KCNH7: variants seen among roughly 807,000 people sequenced by gnomAD.
KCNH7 encodes potassium voltage-gated channel subfamily H member 7.
Under a neutral mutation model 120.8 loss-of-function variants are expected in KCNH7, and 49 were observed. That is an observed-to-expected ratio of 0.41 (90% CI 0.32 to 0.51). The LOEUF is 0.51. Ranked by LOEUF, KCNH7 falls within the 20% of genes least tolerant of loss-of-function variation. KCNH7 has a pLI of 0.38. For synonymous variants in KCNH7, 547 were observed against 516.1 expected (o/e 1.06, Z -0.81); for missense variants, 1,097 against 1,446.6 (o/e 0.76, Z 3.92).
Position 162,504,129 on chromosome 2 carries a change from A to G in KCNH7, c.1128+314T>C, listed in dbSNP as rs547047115. On this transcript the variant is annotated intron_variant, in intron 6 of 15. Transcript: ENST00000332142. ...CCATTATATTAAAAAACCATGTTTT[A>G]ATAATGTGAGAGTTGGCAGCCAAAC... is the stretch of plus-strand genomic sequence containing the variant. Among the ~76,000 whole-genome samples, 252 of 152,172 alleles carry G rather than the reference A, an allele frequency of 1.7e-3. 4 individuals carry two copies. Among genetic ancestry groups the G allele is most frequent in the African/African-American group, 5.7e-3 (237 of 41,566 alleles).
chr2:162,748,868 T>TCCCCCCC (rs1472505556), intron 2 of KCNH7, among the ~76,000 whole-genome samples: 1 of 30,208 alleles, frequency 3.3e-5, no homozygotes, highest in South Asian at 1.7e-3. Flanking sequence ...TTCCCTCCCC[T>TCCCCCCC]CCCCCTTCCC....
chr2:162,819,898 A>T (rs1341836798), intron 2 of KCNH7, among the ~76,000 whole-genome samples: 1 of 152,044 alleles, frequency 6.6e-6, no homozygotes, highest in Non-Finnish European at 1.5e-5. Flanking sequence ...TTTTTGTATC[A>T]TCTTAGTTCA....
chr2:162,548,720 G>A (rs1037190539), intron 2 of KCNH7, among the ~76,000 whole-genome samples: 2 of 152,076 alleles, frequency 1.3e-5, no homozygotes, highest in Admixed American at 6.5e-5. Flanking sequence ...ACTTCCCATT[G>A]TTTCATTTTG....
chr2:162,799,797 C>T (rs115112595), intron 2 of KCNH7, among the ~76,000 whole-genome samples: 1,773 of 151,938 alleles, frequency 0.012, 39 homozygotes, highest in African/African-American at 0.04. Context: ...AAACAATTTG[C>T]GTTCCTGGTT....
rs541143023 is a variant in KCNH7, at chr2:162,826,903, GA to G, written c.307+9633del. Among the ~76,000 whole-genome samples, 8 of 152,176 alleles carry G rather than the reference GA, an allele frequency of 5.3e-5. No homozygotes were observed. The South Asian group carries it at 8.3e-4, about 16-fold the overall frequency. The stretch of plus-strand genomic sequence containing the variant: ...GAAATGTGGAGAAGGCTGCCTGAGG[GA>G]CTTAGAGACCTTAGAAATGAGCTGA... On this transcript the variant is annotated intron_variant, in intron 2 of 15. Coordinates refer to ENST00000332142, the MANE Select transcript of KCNH7 (RefSeq NM_033272.4).
intron 12 of KCNH7, among the ~76,000 whole-genome samples, chr2:162,389,388 G>A (rs749676155): frequency 3.3e-5 from 5 of 151,966 alleles, no homozygotes; most frequent in African/African-American, 7.2e-5. Flanking sequence ...TCTTTCTGAC[G>A]CAATCATTTT....
At chr2:162,426,603 C>T (rs1035266081) in intron 8 of KCNH7, among the ~76,000 whole-genome samples, 2 of 152,140 alleles carry the variant, frequency 1.3e-5, no homozygotes, top group Non-Finnish European at 1.5e-5. Flanking sequence ...TTCTGATATG[C>T]TGACCATACT....
At chr2:162,627,167 C>A (rs553779181) in intron 2 of KCNH7, among the ~76,000 whole-genome samples, 1 of 152,252 alleles carries the variant, frequency 6.6e-6, no homozygotes, top group Admixed American at 6.5e-5. Flanking sequence ...ATGTCTCCTG[C>A]ATCTAAGAAC....
intron 2 of KCNH7, among the ~76,000 whole-genome samples, chr2:162,625,251 C>T (rs1217848576): frequency 1.3e-5 from 2 of 152,082 alleles, no homozygotes; most frequent in Non-Finnish European, 2.9e-5. Flanking sequence ...CTGTTACTTA[C>T]ACCATCCTAT....
At chr2:162,485,006 C>T (rs1235059425) in intron 6 of KCNH7, among the ~76,000 whole-genome samples, 1 of 152,142 alleles carries the variant, frequency 6.6e-6, no homozygotes, top group Admixed American at 6.5e-5. Context: ...TTTAGAGCCA[C>T]ACGAAACAGA....
chr2:162,751,335 A>G (rs1013457920), intron 2 of KCNH7, among the ~76,000 whole-genome samples: 21 of 152,186 alleles, frequency 1.4e-4, no homozygotes, highest in Non-Finnish European at 2.4e-4. Context: ...AATACAATAA[A>G]TTAGAGAAGT....
intron 2 of KCNH7, among the ~76,000 whole-genome samples, chr2:162,688,353 C>T (rs9807929): frequency 0.17 from 25,796 of 151,994 alleles, 2,538 homozygotes; most frequent in East Asian, 0.46. Context: ...ACCCATAAAG[C>T]TCTACTGGCA....
rs751827337 is a variant in KCNH7, at chr2:162,400,269, C to T, written c.2327G>A (p.Gly776Glu). The change falls in exon 10 of 16, where the codon GGG becomes GAG. Residue 776 changes from glycine (G) to glutamate (E), a missense_variant. By Grantham distance (98) the Gly-to-Glu change is moderately conservative (BLOSUM62 -2). This residue lies in a region of KCNH7 where 101 missense variants were observed against 176.3 expected (regional missense o/e 0.57). Transcript: ENST00000332142. ...GAAATAAAGTGCAGTGAGGACATCC[C>T]CACAGTGAACGAGGGTGTCTCCTGG... ...APPGDTLVHC[G>E]DVLTALYFLS... 1 of 1,612,260 alleles carries T rather than the reference C, an allele frequency of 6.2e-7. No homozygotes were observed. Among genetic ancestry groups the T allele is most frequent in the Non-Finnish European group, 8.5e-7 (1 of 1,178,990 alleles).
chr2:162,476,923 A>G (rs533083028), intron 6 of KCNH7, among the ~76,000 whole-genome samples: 21 of 152,318 alleles, frequency 1.4e-4, no homozygotes, highest in South Asian at 6.2e-4. Flanking sequence ...TATAATAACA[A>G]TTAAAAATGC....
At chr2:162,601,694 T>C (rs1222502850) in intron 2 of KCNH7, among the ~76,000 whole-genome samples, 1 of 152,086 alleles carries the variant, frequency 6.6e-6, no homozygotes, top group Non-Finnish European at 1.5e-5. Context: ...AACTCTGGAA[T>C]GCTTTATCTT....
chr2:162,677,818 T>C (rs997992311), intron 2 of KCNH7, among the ~76,000 whole-genome samples: 1 of 151,468 alleles, frequency 6.6e-6, no homozygotes, highest in Non-Finnish European at 1.5e-5. Context: ...TTCTTACAAA[T>C]ATTTGGTATT....
intron 2 of KCNH7, among the ~76,000 whole-genome samples, chr2:162,611,151 G>C (rs1316823215): frequency 6.6e-6 from 1 of 152,178 alleles, no homozygotes; most frequent in African/African-American, 2.4e-5. Flanking sequence ...GTGAGAGCCA[G>C]GGGGCCCACC....
At chr2:162,596,077 G>T (rs1483022466) in intron 2 of KCNH7, among the ~76,000 whole-genome samples, 2 of 151,942 alleles carry the variant, frequency 1.3e-5, no homozygotes, top group Non-Finnish European at 2.9e-5. Context: ...TAAGAGGAAA[G>T]AAATTCTGTG....
intron 2 of KCNH7, among the ~76,000 whole-genome samples, chr2:162,568,916 G>A (rs1294165901): frequency 6.6e-6 from 1 of 151,838 alleles, no homozygotes; most frequent in Admixed American, 6.6e-5. Context: ...TGCTGGATTC[G>A]GTTTGCCAGT....
Sources: gnomAD v4.1 joint callset for allele counts (sites outside exome capture counted in the v4.1 genomes callset) on GRCh38, gnomAD v4.1.1 for gene constraint, gnomAD v4.1.1 regional missense constraint, MANE v1.5 for transcripts, NCBI Gene and HGNC (gene_info 2026-07-23, HGNC 2026-07-21) for gene names.